Variants in ALG5 observed in about 807,000 individuals in gnomAD.
ALG5 encodes ALG5 dolichyl-phosphate beta-glucosyltransferase.
Under a neutral mutation model 51.8 loss-of-function variants are expected in ALG5, and 26 were observed. The observed-to-expected ratio is 0.50, with a 90% CI of 0.37 to 0.70. ALG5 has a LOEUF of 0.70. Among genes scored for constraint, ALG5 ranks in the 30% least tolerant of loss-of-function variants. The pLI is 0.00. For missense variants in ALG5, 311 were observed against 399.3 expected (o/e 0.78, Z 1.88); for synonymous variants, 141 against 136.1 (o/e 1.04, Z -0.25).
intron 6 of ALG5, among the ~76,000 whole-genome samples, chr13:36,979,613 C>A (rs1314588327): frequency 2.0e-5 from 3 of 152,218 alleles, no homozygotes; most frequent in Admixed American, 6.5e-5. Flanking sequence ...GCACTCCAGA[C>A]TGAGTTGTGC....
chr13:36,983,370 T>C (rs879353320), intron 6 of ALG5, among the ~76,000 whole-genome samples: 3 of 152,210 alleles, frequency 2.0e-5, no homozygotes, highest in African/African-American at 4.8e-5. Flanking sequence ...GAAATACTTT[T>C]TTAGTAAGAG....
In ALG5 at chr13:36,999,279, G is replaced by C. The variant is rs1227437834; in HGVS notation, c.22C>G (p.Leu8Val). 1 of 1,580,102 alleles carries C rather than the reference G, an allele frequency of 6.3e-7. No individual in the cohort carries two copies. The highest frequency in any genetic ancestry group is 8.6e-7 in the Non-Finnish European group (1 of 1,166,006). The change falls in exon 1 of 10, where the codon CTG becomes GTG. Residue 8 changes from leucine (L) to valine (V), a missense_variant. Transcript: ENST00000239891. Reference sequence around the variant, plus strand: ...GCCAGCGCCGCGCCGAGCACCGCCAGCTGCAACAGAAGCGGAGCCATTCTC... The same window carrying C: ...GCCAGCGCCGCGCCGAGCACCGCCACCTGCAACAGAAGCGGAGCCATTCTC... MAPLLLQ[L>V]AVLGAALAAA...
chr13:36,983,571 TAA>T (rs5802849), intron 6 of ALG5, among the ~76,000 whole-genome samples: 1 of 145,780 alleles, frequency 6.9e-6, no homozygotes, highest in African/African-American at 2.5e-5. Flanking sequence ...TTATCTCCTT[TAA>T]AAAAAAAAAA....
intron 7 of ALG5, among the ~76,000 whole-genome samples, chr13:36,971,223 A>G (rs1346325307): frequency 6.6e-6 from 1 of 152,182 alleles, no homozygotes; most frequent in Non-Finnish European, 1.5e-5. Flanking sequence ...TGAAATTTTA[A>G]GGTATAGTGA....
At chr13:36,956,272 A>C (rs2058839315) in intron 8 of ALG5, among the ~76,000 whole-genome samples, 1 of 152,208 alleles carries the variant, frequency 6.6e-6, no homozygotes, top group Admixed American at 6.5e-5. Context: ...CTAATCATTA[A>C]GGAAATGCAA....
At chr13:36,981,754 A>G (rs1186302902) in intron 6 of ALG5, among the ~76,000 whole-genome samples, 2 of 152,224 alleles carry the variant, frequency 1.3e-5, no homozygotes, top group African/African-American at 4.8e-5. Flanking sequence ...ACACATCTTC[A>G]GTGGAAAATT....
In ALG5 at chr13:36,985,661, A is replaced by G; in HGVS notation, c.527T>C (p.Leu176Ser). ...GATKFPDVEKLEKGLNDLQPW... is the reference protein window; with the variant it reads ...GATKFPDVEKSEKGLNDLQPW... ...CTGTAGATCATTTAGCCCCTTTTCT[A>G]ATTTCTCAACATCTGGAAACTTTGT... The change falls in exon 6 of 10, where the codon TTA becomes TCA. Residue 176 changes from leucine (L) to serine (S), a missense_variant. By Grantham distance (145) the Leu-to-Ser change is moderately radical. Transcript: ENST00000239891. The G allele has an allele frequency of 6.2e-7, 1 of 1,613,764 alleles. No individual in the cohort carries two copies. Among genetic ancestry groups the G allele is most frequent in the Non-Finnish European group, 8.5e-7 (1 of 1,179,890 alleles).
In ALG5 at chr13:36,957,336, C is replaced by G. The variant is rs554025406; in HGVS notation, c.774-4737G>C. ...ATCTACTAGTCTGGGTAGATACTCT[C>G]ACTGGTTGGGCGGAGGCCTTCCCTT... On this transcript the variant is annotated intron_variant, in intron 8 of 9. Transcript: ENST00000239891. Among the ~76,000 whole-genome samples the G allele has an allele frequency of 4.6e-5, 7 of 151,742 alleles. No individual in the cohort carries two copies. In the South Asian group the frequency reaches 1.5e-3, roughly 32 times the overall value.
intron 6 of ALG5, among the ~76,000 whole-genome samples, chr13:36,979,472 T>C (rs756816864): frequency 5.3e-5 from 8 of 152,148 alleles, no homozygotes; most frequent in Non-Finnish European, 1.2e-4. Flanking sequence ...GGAGAAGGAC[T>C]AACTGTCACA....
intron 1 of ALG5, 55 bp downstream of exon 1, chr13:36,999,180 G>C: frequency 1.4e-6 from 2 of 1,452,244 alleles, no homozygotes; most frequent in South Asian, 1.4e-5. Context: ...AGGAGCCGCA[G>C]TCTCCAGGAG....
At chr13:36,975,145 A>AG (rs1210141850) in intron 6 of ALG5, among the ~76,000 whole-genome samples, 2 of 152,204 alleles carry the variant, frequency 1.3e-5, no homozygotes, top group Admixed American at 1.3e-4. Context: ...CAGGAGGCGG[A>AG]GGGTGCAGTG....
At chr13:36,955,025 G>T (rs905026430) in intron 8 of ALG5, among the ~76,000 whole-genome samples, 1 of 152,220 alleles carries the variant, frequency 6.6e-6, no homozygotes, top group Admixed American at 6.5e-5. Context: ...GGCATTGAAG[G>T]CCTCAACTGA....
chr13:36,985,813 TCTA>T (rs1196376961), intron 5 of ALG5, 73 bp from the exon 6 acceptor site: 15 of 994,752 alleles, frequency 1.5e-5, no homozygotes, highest in Admixed American at 2.3e-5. Flanking sequence ...TTCAGTCTGT[TCTA>T]CTTAAAATAC....
In ALG5 at chr13:36,957,599, C is replaced by T. The variant is rs112483360; in HGVS notation, c.774-5000G>A. On this transcript the variant is annotated intron_variant, in intron 8 of 9. Coordinates refer to ENST00000239891, the MANE Select transcript of ALG5 (RefSeq NM_013338.5). Reference sequence around the variant, plus strand: ...CTCAAATGACATCTAAAAAAGCTAACCCAAGAAACCCATCTTGCATGGCCT... The same window carrying T: ...CTCAAATGACATCTAAAAAAGCTAATCCAAGAAACCCATCTTGCATGGCCT... Among the ~76,000 whole-genome samples the T allele has an allele frequency of 6.2e-3, 938 of 152,212 alleles. 10 individuals are homozygous for T. The highest frequency in any genetic ancestry group is 0.01 in the Middle Eastern group (3 of 294).
chr13:36,965,937 GC>G (rs1265150419), intron 7 of ALG5, among the ~76,000 whole-genome samples: 1 of 152,164 alleles, frequency 6.6e-6, no homozygotes, highest in Non-Finnish European at 1.5e-5. Context: ...GCACTAGGAA[GC>G]AGTTACTCAT....
At chr13:36,992,829 T>C (rs1204999919) in intron 4 of ALG5, among the ~76,000 whole-genome samples, 1 of 152,204 alleles carries the variant, frequency 6.6e-6, no homozygotes, top group Non-Finnish European at 1.5e-5. Context: ...AACTGGTTTG[T>C]TTTAAATAAA....
intron 6 of ALG5, among the ~76,000 whole-genome samples, chr13:36,975,367 G>T (rs1351281724): frequency 6.6e-6 from 1 of 152,118 alleles, no homozygotes; most frequent in Non-Finnish European, 1.5e-5. Flanking sequence ...GTTGCTGATT[G>T]CACCCCCATG....
At chr13:36,974,321 T>C (rs551435290) in intron 6 of ALG5, among the ~76,000 whole-genome samples, 38 of 152,248 alleles carry the variant, frequency 2.5e-4, no homozygotes, top group African/African-American at 9.2e-4. Context: ...CTTATACCAT[T>C]TGAATTTTGA....
rs534101761 is a variant in ALG5, at chr13:36,999,245, G to C, written c.56C>G (p.Ala19Gly). Residue 19 changes from alanine (A) to glycine (G), a missense_variant, in exon 1 of 10, where the codon GCC becomes GGC. Physicochemically the swap from Ala to Gly is moderately conservative, Grantham distance 60. Coordinates refer to ENST00000239891, the MANE Select transcript of ALG5 (RefSeq NM_013338.5). ...AVLGAALAAA[A>G]LVLISIVAFT... ...CATCCCTGTTCTCACCAGTACGAGG[G>C]CTGCGGCCGCCAGCGCCGCGCCGAG... The C allele has an allele frequency of 5.8e-5, 91 of 1,580,420 alleles. No individual in the cohort carries two copies. In the East Asian group the frequency reaches 2.2e-3, roughly 38 times the overall value.
Sources: gnomAD v4.1 joint callset for allele counts (sites outside exome capture counted in the v4.1 genomes callset) on GRCh38, gnomAD v4.1.1 for gene constraint, MANE v1.5 for transcripts, NCBI Gene and HGNC (gene_info 2026-07-23, HGNC 2026-07-21) for gene names.